The following TOGARAM2 variants were observed in gnomAD, a reference collection of about 807,000 sequenced individuals.
TOGARAM2 encodes the protein TOG array regulator of axonemal microtubules 2.
TOGARAM2 carries 85 observed loss-of-function variants against 93.3 expected under a neutral mutation model. The ratio of observed to expected loss-of-function variants is 0.91; its 90% CI spans 0.76 to 1.09. The LOEUF is 1.09. TOGARAM2 is among the 50% of genes least tolerant of loss of function. The pLI, the probability that TOGARAM2 is intolerant of heterozygous loss-of-function variation, is 0.00. For missense variants in TOGARAM2, 1,277 were observed against 1,334.5 expected, an observed-to-expected ratio of 0.96 and a Z score of 0.67; for synonymous variants, 593 against 552.8, an observed-to-expected ratio of 1.07 and a Z score of -1.02.
At chr2:28,968,044 C>T (rs1237912900) in intron 1 of TOGARAM2, among the ~76,000 whole-genome samples, 2 of 151,956 alleles carry the variant, frequency 1.3e-5, no homozygotes, top group Non-Finnish European at 2.9e-5. Flanking sequence ...GTCTTGAACT[C>T]CTGACGTCAG....
At chr2:29,001,524 C>G (rs951244064) in intron 4 of TOGARAM2, among the ~76,000 whole-genome samples, 2 of 150,648 alleles carry the variant, frequency 1.3e-5, no homozygotes, top group Non-Finnish European at 3.0e-5. Context: ...TTTTTGAGAC[C>G]GAGTCTTGCT....
chr2:28,987,910 G>A (rs1447054042), intron 1 of TOGARAM2, among the ~76,000 whole-genome samples: 1 of 152,256 alleles, frequency 6.6e-6, no homozygotes, highest in African/African-American at 2.4e-5. Flanking sequence ...GAGTGGCGGG[G>A]GGCCTTGGAT....
At chr2:29,019,855 G>A (rs114261430) in intron 10 of TOGARAM2, among the ~76,000 whole-genome samples, 1,676 of 152,272 alleles carry the variant, frequency 0.011, 33 homozygotes, top group African/African-American at 0.038. Flanking sequence ...AGTATTTCAG[G>A]ATTGTAAACC....
intron 18 of TOGARAM2, among the ~76,000 whole-genome samples, chr2:29,044,490 T>G (rs1299228961): frequency 6.6e-6 from 1 of 152,148 alleles, no homozygotes; most frequent in East Asian, 1.9e-4. Flanking sequence ...CCAAGCATCC[T>G]GGGTTCCCGG....
At chr2:29,048,437 C>T (rs1189446992) in intron 19 of TOGARAM2, 1 of 152,162 alleles carries the variant, frequency 6.6e-6, no homozygotes, top group Non-Finnish European at 1.5e-5. Flanking sequence ...TTTTTGCAGT[C>T]ATCTTCCGAA....
chr2:28,987,256 T>C (rs1356902800), intron 1 of TOGARAM2, among the ~76,000 whole-genome samples: 1 of 152,194 alleles, frequency 6.6e-6, no homozygotes, highest in Non-Finnish European at 1.5e-5. Context: ...TTCCTTCACT[T>C]AGGTTCTTCT....
At chr2:29,007,862 A>C (rs1663979627) in intron 6 of TOGARAM2, among the ~76,000 whole-genome samples, 1 of 151,914 alleles carries the variant, frequency 6.6e-6, no homozygotes, top group African/African-American at 2.4e-5. Context: ...TCACTCATCC[A>C]TCCATCCATT....
intron 14 of TOGARAM2, among the ~76,000 whole-genome samples, chr2:29,029,607 T>C (rs1473619144): frequency 1.3e-5 from 2 of 149,662 alleles, no homozygotes; most frequent in South Asian, 2.2e-4. Context: ...ATACAAAAAA[T>C]TAGCCAGGTG....
chr2:29,011,795 C>T (rs572142703), intron 7 of TOGARAM2, among the ~76,000 whole-genome samples: 20 of 152,184 alleles, frequency 1.3e-4, no homozygotes, highest in African/African-American at 2.7e-4. Flanking sequence ...CAATTCTGGC[C>T]GTGTGTGACA....
At chr2:29,019,197 T>A (rs866100053) in intron 10 of TOGARAM2, among the ~76,000 whole-genome samples, 164 of 139,876 alleles carry the variant, frequency 1.2e-3, no homozygotes, top group Non-Finnish European at 2.0e-3. Context: ...TTTTTTTTTT[T>A]TATGACAGAG....
rs1426956379 is a variant in TOGARAM2, at chr2:29,002,536, C to T, written c.428C>T (p.Ala143Val). 1 of 1,612,728 alleles carries T rather than the reference C, an allele frequency of 6.2e-7. No individual in the cohort carries two copies. Among genetic ancestry groups the T allele is most frequent in the Non-Finnish European group, 8.5e-7 (1 of 1,179,450 alleles). Residue 143 changes from alanine to valine, a missense_variant and splice_region_variant, in exon 5 of 20, where the codon GCC becomes GTC. Coordinates refer to ENST00000379558, the MANE Select transcript of TOGARAM2 (RefSeq NM_199280.4). ...LSEGLAASSR[A>V]SLDPGGGPQG... Reference sequence around the variant, plus strand: ...ATTTCCCATCCCCATCCCTGTACAGCCTCTCTGGATCCAGGGGGAGGCCCC... The same window carrying T: ...ATTTCCCATCCCCATCCCTGTACAGTCTCTCTGGATCCAGGGGGAGGCCCC...
At chr2:29,030,831 C>T (rs550884136) in intron 14 of TOGARAM2, among the ~76,000 whole-genome samples, 1 of 152,300 alleles carries the variant, frequency 6.6e-6, no homozygotes, top group East Asian at 1.9e-4. Context: ...CACTCCAGAC[C>T]CTTCTTCGAG....
intron 2 of TOGARAM2, among the ~76,000 whole-genome samples, chr2:28,996,494 T>G (rs1672994784): frequency 1.3e-5 from 2 of 152,032 alleles, no homozygotes; most frequent in Admixed American, 6.6e-5. Context: ...CAAGTAGAAT[T>G]TGTCTCTCTG....
intron 13 of TOGARAM2, 52 bp downstream of exon 13, chr2:29,024,426 A>G (rs1665195857): frequency 2.9e-6 from 4 of 1,369,882 alleles, no homozygotes; most frequent in Admixed American, 4.2e-5. Context: ...AAGGTAAGGC[A>G]AGGGGAGAGG....
intron 2 of TOGARAM2, 54 bp downstream of exon 2, chr2:28,994,916 G>A: frequency 6.5e-7 from 1 of 1,546,434 alleles, no homozygotes; most frequent in Non-Finnish European, 8.8e-7. Context: ...TAGGGGACCT[G>A]CCTCGGACAC....
intron 1 of TOGARAM2, among the ~76,000 whole-genome samples, chr2:28,968,009 G>C (rs11676071): frequency 0.17 from 25,186 of 151,782 alleles, 2,334 homozygotes; most frequent in East Asian, 0.33. Flanking sequence ...AGTAGAGACA[G>C]GGTTTTGTCA....
At chr2:29,027,053 AC>A (rs1665431268) in intron 14 of TOGARAM2, 42 bp downstream of exon 14, 1 of 1,512,248 alleles carries the variant, frequency 6.6e-7, no homozygotes, top group East Asian at 2.5e-5. Context: ...AAGGCAACCA[AC>A]CAGCCAGCCC....
intron 6 of TOGARAM2, among the ~76,000 whole-genome samples, chr2:29,006,875 C>G (rs1304529022): frequency 2.6e-5 from 4 of 152,200 alleles, no homozygotes; most frequent in Non-Finnish European, 4.4e-5. Context: ...GCAGCCTTAT[C>G]TGTGCCTCTC....
In TOGARAM2 at chr2:29,033,499, G is replaced by A; in HGVS notation, c.2161G>A (p.Ala721Thr). ...GIEDNDELPS[A>T]KGRKVLRSLV... is the part of the protein sequence containing the mutation. ...AGAAGATAATGATGAACTTCCCTCT[G>A]CCAAAGGCCGCAAGGTGTTGAGGAG... is the stretch of plus-strand genomic sequence containing the variant. Residue 721 changes from alanine to threonine, a missense_variant, in exon 16 of 20, where the codon GCC (alanine) becomes ACC (threonine). By Grantham distance (58) the Ala-to-Thr change is moderately conservative (BLOSUM62 0). Coordinates refer to ENST00000379558, the MANE Select transcript of TOGARAM2 (RefSeq NM_199280.4). 6.2e-7 allele frequency: 1 copy of A among 1,613,698 alleles called. No individual in the cohort carries two copies. Among genetic ancestry groups the A allele is most frequent in the Non-Finnish European group, 8.5e-7 (1 of 1,179,800 alleles).
Sources: allele counts gnomAD v4.1 joint callset (sites outside exome capture counted in the v4.1 genomes callset), GRCh38; gene constraint gnomAD v4.1.1; transcripts MANE v1.5; gene names NCBI Gene and HGNC (gene_info 2026-07-23, HGNC 2026-07-21).